Variants in IQGAP2 observed in about 807,000 individuals in gnomAD.
The protein encoded by IQGAP2 is ras GTPase-activating-like protein IQGAP2.
In IQGAP2, 173 loss-of-function variants were observed where a neutral mutation model predicts 201.3. The observed-to-expected ratio is 0.86, with a 90% CI of 0.76 to 0.98. The LOEUF (loss-of-function observed/expected upper bound fraction) is 0.98. IQGAP2 is among the 50% of genes least tolerant of loss of function. The pLI is 0.00. For synonymous variants in IQGAP2, 675 were observed against 673.9 expected, an observed-to-expected ratio of 1.00 and a Z score of -0.03; for missense variants, 1,687 against 1,864.8, an observed-to-expected ratio of 0.90 and a Z score of 1.76.
chr5:76,482,204 G>A (rs1755835608), intron 2 of IQGAP2, among the ~76,000 whole-genome samples: 1 of 152,158 alleles, frequency 6.6e-6, no homozygotes, highest in Non-Finnish European at 1.5e-5. Context: ...TGATAGCGTG[G>A]CATCTTTGCA....
At chr5:76,483,095 A>C (rs1755888437) in intron 2 of IQGAP2, among the ~76,000 whole-genome samples, 1 of 152,266 alleles carries the variant, frequency 6.6e-6, no homozygotes, top group South Asian at 2.1e-4. Flanking sequence ...TAGTAGGAAC[A>C]GCTGTGAATC....
rs542614372 is a variant in IQGAP2, at chr5:76,488,933, A to C, written c.146+27264A>C. ...AGTTGTCCTATCCACTGTTAAGTCC[A>C]GCCCCCACAGCAGTCCTGTGATGTA... On this transcript the variant is annotated intron_variant, in intron 2 of 35. Coordinates refer to ENST00000274364, the MANE Select transcript of IQGAP2 (RefSeq NM_006633.5). 5.9e-5 allele frequency among the ~76,000 whole-genome samples: 9 copies of C among 152,312 alleles called. No individual in the cohort carries two copies. The East Asian group carries it at 1.7e-3, about 29-fold the overall frequency.
chr5:76,435,684 A>G (rs914426157), intron 1 of IQGAP2, among the ~76,000 whole-genome samples: 1 of 152,144 alleles, frequency 6.6e-6, no homozygotes, highest in Non-Finnish European at 1.5e-5. Flanking sequence ...TTTTGGTTCC[A>G]TATGAACTTT....
chr5:76,537,500 T>A (rs1244104485), intron 2 of IQGAP2, among the ~76,000 whole-genome samples: 39 of 152,156 alleles, frequency 2.6e-4, no homozygotes, highest in Admixed American at 2.5e-3. Context: ...TTTTTTTTTT[T>A]TTCAATAGTG....
intron 1 of IQGAP2, among the ~76,000 whole-genome samples, chr5:76,415,894 G>A (rs1407273374): frequency 1.3e-5 from 2 of 150,366 alleles, no homozygotes; most frequent in Admixed American, 6.6e-5. Context: ...GCAGTGAGCC[G>A]AGATCATGCC....
intron 31 of IQGAP2, 99 bp downstream of exon 31, chr5:76,693,541 A>T: frequency 1.2e-6 from 1 of 808,290 alleles, no homozygotes; most frequent in Non-Finnish European, 2.0e-6. Flanking sequence ...ACTGTATCTG[A>T]CATGGTCCGG....
chr5:76,623,316 A>G lies in IQGAP2; in HGVS notation c.1522-4094A>G. 2.7e-6 allele frequency: 4 copies of G among 1,470,154 alleles called. No homozygotes were observed. The South Asian group carries it at 4.6e-5, about 17-fold the overall frequency. 91.1% of individuals were successfully genotyped at this position (1,470,154 alleles called of 1,614,324 possible). ...TTTCACCTCAGTTCCATGTGTCAGC[A>G]GCAAATGGAAGCCTTGGTCTGTCTG... is the stretch of plus-strand genomic sequence containing the variant. On this transcript the variant is annotated intron_variant, in intron 13 of 35. Transcript: ENST00000274364.
chr5:76,578,020 TC>T (rs1166049028), intron 5 of IQGAP2, among the ~76,000 whole-genome samples: 1 of 152,190 alleles, frequency 6.6e-6, no homozygotes, highest in Non-Finnish European at 1.5e-5. Context: ...AAAAGTTAGC[TC>T]TTAGCCCTGA....
intron 13 of IQGAP2, among the ~76,000 whole-genome samples, chr5:76,626,367 G>A (rs1421456998): frequency 1.5e-5 from 2 of 136,262 alleles, no homozygotes; most frequent in South Asian, 2.4e-4. Context: ...CCACCCACCA[G>A]GTTCAAGCAA....
At chr5:76,481,263 A>G (rs994377648) in intron 2 of IQGAP2, among the ~76,000 whole-genome samples, 6 of 152,178 alleles carry the variant, frequency 3.9e-5, no homozygotes, top group African/African-American at 1.4e-4. Context: ...CACATGTATA[A>G]TTTTACCTTT....
At chr5:76,500,896 C>T (rs1757235775) in intron 2 of IQGAP2, among the ~76,000 whole-genome samples, 1 of 152,078 alleles carries the variant, frequency 6.6e-6, no homozygotes, top group Non-Finnish European at 1.5e-5. Context: ...AGATGTGAAA[C>T]CTACATTTCA....
chr5:76,664,981 GA>G, intron 21 of IQGAP2, 44 bp from the exon 22 acceptor site: 1 of 1,052,528 alleles, frequency 9.5e-7, no homozygotes, highest in Non-Finnish European at 1.4e-6. Context: ...AGGAGATAAA[GA>G]GTATGAGAAT....
intron 1 of IQGAP2, among the ~76,000 whole-genome samples, chr5:76,413,697 C>T (rs1451203431): frequency 6.6e-6 from 1 of 152,290 alleles, no homozygotes; most frequent in Non-Finnish European, 1.5e-5. Context: ...TCTGAAGTTA[C>T]CAAGCATTCT....
intron 31 of IQGAP2, among the ~76,000 whole-genome samples, 178 bp from the exon 32 acceptor site, chr5:76,695,276 T>C (rs553371677): frequency 6.6e-6 from 1 of 152,368 alleles, no homozygotes; most frequent in South Asian, 2.1e-4. Flanking sequence ...ATCGAAAAGA[T>C]GAAGTAATTC....
chr5:76,436,496 TATATATATATATATATATA>T (rs1752673931), intron 1 of IQGAP2, among the ~76,000 whole-genome samples: 1 of 19,114 alleles, frequency 5.2e-5, no homozygotes, highest in African/African-American at 3.2e-4. Context: ...TATATATATA[TATATATATATATATATATA>T]TATTTTTTTT....
At chr5:76,498,236 A>T (rs986524587) in intron 2 of IQGAP2, among the ~76,000 whole-genome samples, 55 of 152,376 alleles carry the variant, frequency 3.6e-4, no homozygotes, top group African/African-American at 1.3e-3. Flanking sequence ...GCAGGGTTGA[A>T]TAAACAAGTA....
At chr5:76,601,630 G>A (rs72777523) in intron 11 of IQGAP2, among the ~76,000 whole-genome samples, 2,917 of 152,288 alleles carry the variant, frequency 0.019, 33 homozygotes, top group Non-Finnish European at 0.025. Context: ...CAGTTAAAAT[G>A]AGTGAATCTT....
intron 28 of IQGAP2, among the ~76,000 whole-genome samples, chr5:76,677,777 T>C (rs1357283802): frequency 6.6e-6 from 1 of 151,922 alleles, no homozygotes; most frequent in Non-Finnish European, 1.5e-5. Context: ...AAAAATTTTT[T>C]AAAAACTAGC....
At chr5:76,668,624 T>C in intron 22 of IQGAP2, 57 bp from the exon 23 acceptor site, 1 of 1,390,300 alleles carries the variant, frequency 7.2e-7, no homozygotes, top group South Asian at 1.2e-5. Flanking sequence ...TTTAATAATA[T>C]ATTAACTTAT....
Sources: gnomAD v4.1 joint callset for allele counts (sites outside exome capture counted in the v4.1 genomes callset) on GRCh38, gnomAD v4.1.1 for gene constraint, MANE v1.5 for transcripts, NCBI Gene and HGNC (gene_info 2026-07-23, HGNC 2026-07-21) for gene names.